Variants in COL1A2 observed in about 807,000 individuals in gnomAD.
COL1A2 encodes the protein collagen alpha-2(I) chain.
In COL1A2, 49 loss-of-function variants were observed where a neutral mutation model predicts 174.3. The ratio of observed to expected loss-of-function variants is 0.28; its 90% CI spans 0.22 to 0.36. The LOEUF is 0.36. Ranked by LOEUF, COL1A2 falls within the 10% of genes least tolerant of loss-of-function variation. The probability of loss-of-function intolerance (pLI) is 1.00; values close to 1 mark genes in which losing one functional copy is unlikely to be tolerated. For synonymous variants in COL1A2, 655 were observed against 606.6 expected (o/e 1.08, Z -1.17); for missense variants, 1,438 against 1,822.7 (o/e 0.79, Z 3.84).
chr7:94,418,368 G>T (rs1792084656), intron 32 of COL1A2, 131 bp from the exon 33 acceptor site: 1 of 722,570 alleles, frequency 1.4e-6, no homozygotes, highest in Non-Finnish European at 2.5e-6. Context: ...AAGGAATCGA[G>T]ACATTGCTAA....
rs765065037 is a variant in COL1A2 at position 94,414,193 on chromosome 7, T to C, written c.1666-29T>C. On this transcript the variant is annotated intron_variant, in intron 28 of 51. Transcript: ENST00000297268. ...AAATCTCCTGAACGTAGCCATGGGA[T>C]TGAGATTTGTATTTCTTTTCATTTT... The C allele has an allele frequency of 2.5e-6, 4 of 1,612,370 alleles. No homozygotes were observed. The East Asian group carries it at 8.9e-5, about 36-fold the overall frequency.
chr7:94,413,599 T>G (rs1791977679), intron 26 of COL1A2, 91 bp from the exon 27 acceptor site: 1 of 1,253,844 alleles, frequency 8.0e-7, no homozygotes, highest in South Asian at 1.2e-5. Flanking sequence ...AATGACAAAC[T>G]TGTTTTAAGG....
intron 9 of COL1A2, 113 bp downstream of exon 9, chr7:94,405,005 AC>A: frequency 8.0e-7 from 1 of 1,252,468 alleles, no homozygotes; most frequent in African/African-American, 1.5e-5. Flanking sequence ...GCCTGACAGA[AC>A]TCTTAATGTA....
intron 38 of COL1A2, among the ~76,000 whole-genome samples, 184 bp from the exon 39 acceptor site, chr7:94,421,715 T>A (rs1443821457): frequency 6.6e-6 from 1 of 152,162 alleles, no homozygotes; most frequent in East Asian, 1.9e-4. Context: ...GTAAGGAAGA[T>A]GTGTGGAGAA....
chr7:94,407,979 C>CTTTTTG (rs1791837095), intron 13 of COL1A2, 88 bp downstream of exon 13: 1 of 1,293,140 alleles, frequency 7.7e-7, no homozygotes, highest in Non-Finnish European at 1.1e-6. Flanking sequence ...ATCACTGTAT[C>CTTTTTG]CTTCAGCATT....
At chr7:94,396,612 A>G (rs388625) in intron 1 of COL1A2, among the ~76,000 whole-genome samples, 77,356 of 151,948 alleles carry the variant, frequency 0.51, 20,450 homozygotes, top group Admixed American at 0.57. Context: ...AAAATGGTCC[A>G]TGTCTGAGTA....
chr7:94,413,620 T>G, intron 26 of COL1A2, 70 bp from the exon 27 acceptor site: 3 of 1,429,492 alleles, frequency 2.1e-6, no homozygotes, highest in Non-Finnish European at 2.0e-6. Context: ...AAGTAATACC[T>G]GAGGCTTTGA....
chr7:94,428,257 A>G, intron 49 of COL1A2, 36 bp from the exon 50 acceptor site: 3 of 1,505,884 alleles, frequency 2.0e-6, no homozygotes, highest in Non-Finnish European at 2.8e-6. Flanking sequence ...CTGCTCAATG[A>G]GAAGTTTCAT....
chr7:94,410,114 AC>A, intron 19 of COL1A2, 127 bp from the exon 20 acceptor site: 1 of 942,636 alleles, frequency 1.1e-6, no homozygotes, highest in Non-Finnish European at 1.7e-6. Flanking sequence ...TTAAATATGA[AC>A]AGGGTACATT....
At position 94,400,213 on chromosome 7, in the gene COL1A2, A is replaced by C. The variant is rs369695645; in HGVS notation, c.150A>C (p.Pro50=). 6 of 1,612,724 alleles carry C rather than the reference A, an allele frequency of 3.7e-6. No individual in the cohort carries two copies. In the African/African-American group the frequency reaches 8.1e-5, roughly 22 times the overall value. ...PRGERGPPGP[P]GRDGEDGPTG... ...CATAACAGGGTCCACCAGGCCCCCC[A>C]GGCAGAGATGGTGAAGATGGTCCCA... The change falls in exon 5 of 52, where the codon CCA becomes CCC. Residue 50 remains proline (P), a synonymous_variant. Coordinates refer to ENST00000297268, the MANE Select transcript of COL1A2 (RefSeq NM_000089.4).
intron 38 of COL1A2, 152 bp from the exon 39 acceptor site, chr7:94,421,747 C>A: frequency 2.3e-5 from 16 of 690,606 alleles, no homozygotes; most frequent in Non-Finnish European, 3.6e-5. Context: ...AGGGTCCTGG[C>A]TAAATAATGC....
rs1236071554 is a variant in COL1A2 at position 94,409,209 on chromosome 7, TA to T, written c.793-111del. 3.0e-6 allele frequency: 3 copies of T among 1,003,394 alleles called. No homozygotes were observed. In the African/African-American group the frequency reaches 4.8e-5, roughly 16 times the overall value. 62.2% of individuals were successfully genotyped at this position (1,003,394 alleles called of 1,614,324 possible). On this transcript the variant is annotated intron_variant, in intron 16 of 51. Transcript: ENST00000297268. ...CTTGTAATAAAACGGATAAGAAAAA[TA>T]ATTGCAATTTTGAAGTTTTATGAAG...
At position 94,413,007 on chromosome 7, in the gene COL1A2, T is replaced by C. The variant is rs146883509; in HGVS notation, c.1504-76T>C. Reference sequence around the variant, plus strand: ...ACACAAAAACAAGCAGGATTCAACATTGCAAAATCACCGTGGTTAATTTGA... The same window carrying C: ...ACACAAAAACAAGCAGGATTCAACACTGCAAAATCACCGTGGTTAATTTGA... On this transcript the variant is annotated intron_variant, in intron 25 of 51. Coordinates refer to ENST00000297268, the MANE Select transcript of COL1A2 (RefSeq NM_000089.4). 2.1e-5 allele frequency: 30 copies of C among 1,426,022 alleles called. No individual in the cohort carries two copies. In the East Asian group the frequency reaches 5.5e-4, roughly 26 times the overall value. 88.3% of individuals were successfully genotyped at this position (1,426,022 alleles called of 1,614,324 possible).
rs889417686 is a variant in COL1A2, at chr7:94,410,142, C to A, written c.1036-100C>A. The A allele has an allele frequency of 4.1e-6, 5 of 1,210,050 alleles. No homozygotes were observed. In the African/African-American group the frequency reaches 6.0e-5, roughly 14 times the overall value. 75.0% of individuals were successfully genotyped at this position (1,210,050 alleles called of 1,614,324 possible). On this transcript the variant is annotated intron_variant, in intron 19 of 51. Transcript: ENST00000297268. ...GGGTACATTTCCTAGAGAACTTGAG[C>A]TTCTCTTTACCTTGACCCACAAATA...
chr7:94,427,798 G>C lies in COL1A2; in HGVS notation c.3439G>C (p.Glu1147Gln), dbSNP rs746701185. Residue 1147 changes from glutamate (E) to glutamine (Q), a missense_variant, in exon 49 of 52, where the codon GAG (glutamate) becomes CAG (glutamine). This residue lies in a region of COL1A2 where 290 missense variants were observed against 298.1 expected (regional missense o/e 0.97). Coordinates refer to ENST00000297268, the MANE Select transcript of COL1A2 (RefSeq NM_000089.4). ...TCTGAAGTCTCTCAACAACCAGATT[G>C]AGACCCTTCTTACTCCTGAAGGCTC... is the stretch of plus-strand genomic sequence containing the variant. ...ATLKSLNNQIETLLTPEGSRK... is the reference protein window; with the variant it reads ...ATLKSLNNQIQTLLTPEGSRK... 6.2e-7 allele frequency: 1 copy of C among 1,614,126 alleles called. No homozygotes were observed. The highest frequency in any genetic ancestry group is 1.1e-5 in the South Asian group (1 of 91,084).
At chr7:94,425,077 G>A (rs992813475) in intron 41 of COL1A2, 40 bp from the exon 42 acceptor site, 7 of 1,568,804 alleles carry the variant, frequency 4.5e-6, no homozygotes, top group Admixed American at 1.7e-5. Context: ...GCATTCCATC[G>A]AATAAGGGGA....
intron 39 of COL1A2, 24 bp downstream of exon 39, chr7:94,421,976 T>A: frequency 6.2e-7 from 1 of 1,609,730 alleles, no homozygotes; most frequent in Non-Finnish European, 8.5e-7. Flanking sequence ...TGTAAACGTG[T>A]CTTCATTTAC....
In COL1A2 at chr7:94,427,853, ACT is replaced by A; in HGVS notation, c.3495_3496del (p.Leu1166GlufsTer15). Reference sequence around the variant, plus strand: ...AAGAACCCAGCTCGCACATGCCGTGACTTGAGACTCAGCCACCCAGAGTGGAG... The same window carrying A: ...AAGAACCCAGCTCGCACATGCCGTGATGAGACTCAGCCACCCAGAGTGGAG... On this transcript the variant is annotated frameshift_variant, in exon 49 of 52. Coordinates refer to ENST00000297268, the MANE Select transcript of COL1A2 (RefSeq NM_000089.4). LOFTEE classifies it high-confidence loss of function. 1 of 1,614,170 alleles carries A rather than the reference ACT, an allele frequency of 6.2e-7. No individual in the cohort carries two copies. Among genetic ancestry groups the A allele is most frequent in the Non-Finnish European group, 8.5e-7 (1 of 1,180,032 alleles).
At chr7:94,406,213 C>A in intron 11 of COL1A2, 37 bp from the exon 12 acceptor site, 16 of 1,603,886 alleles carry the variant, frequency 1.0e-5, no homozygotes, top group Non-Finnish European at 1.3e-5. Flanking sequence ...CAAACACTAT[C>A]ATGGAACAGC....
Sources: gnomAD v4.1 joint callset for allele counts (sites outside exome capture counted in the v4.1 genomes callset) on GRCh38, gnomAD v4.1.1 for gene constraint, gnomAD v4.1.1 regional missense constraint, MANE v1.5 for transcripts, NCBI Gene and HGNC (gene_info 2026-07-23, HGNC 2026-07-21) for gene names.